GPAM: variants seen among roughly 807,000 people sequenced by gnomAD.
GPAM encodes glycerol-3-phosphate acyltransferase 1, mitochondrial.
GPAM carries 56 observed loss-of-function variants against 105.0 expected under a neutral mutation model. The ratio of observed to expected loss-of-function variants is 0.53; its 90% CI spans 0.43 to 0.67. The LOEUF (loss-of-function observed/expected upper bound fraction) is 0.67. GPAM is among the 30% of genes least tolerant of loss of function. The probability of loss-of-function intolerance (pLI) is 0.00; values close to 1 mark genes in which losing one functional copy is unlikely to be tolerated. For missense variants in GPAM, 855 were observed against 989.8 expected, an observed-to-expected ratio of 0.86 and a Z score of 1.83; for synonymous variants, 368 against 354.4, an observed-to-expected ratio of 1.04 and a Z score of -0.43.
chr10:112,196,536 A>G (rs1300461416), intron 1 of GPAM, among the ~76,000 whole-genome samples: 3 of 152,206 alleles, frequency 2.0e-5, no homozygotes, highest in Non-Finnish European at 4.4e-5. Context: ...AGGCCTCCAA[A>G]GTAAAGAGTG....
rs1847005383 is a variant in GPAM at position 112,155,748 on chromosome 10, T to C, written c.2311+116A>G. On this transcript the variant is annotated intron_variant, in intron 20 of 21. Transcript: ENST00000348367. The stretch of plus-strand genomic sequence containing the variant: ...GCCAAAGAAGATAATAGTAATACTC[T>C]ACGGTGTTAGAGGTCAGGATAAGTT... 1.1e-5 allele frequency: 7 copies of C among 660,490 alleles called. 1 individual carries two copies. The South Asian group carries it at 1.1e-4, about 10-fold the overall frequency. The allele number at this position is 660,490 out of a possible 1,614,324, so 40.9% of individuals were successfully genotyped here. A position where few individuals can be genotyped will look rare whatever the true frequency, so the allele number is the denominator to read the frequency against.
the GPAM span, among the ~76,000 whole-genome samples, chr10:112,221,569 C>A: frequency 6.6e-6 from 1 of 152,134 alleles, no homozygotes; most frequent in African/African-American, 2.4e-5. Flanking sequence ...TCTGAAGAAC[C>A]TTGAGTATAA....
intron 6 of GPAM, among the ~76,000 whole-genome samples, chr10:112,175,236 C>T (rs1168844106): frequency 6.6e-6 from 1 of 152,174 alleles, no homozygotes; most frequent in Non-Finnish European, 1.5e-5. Context: ...AAATATCAAA[C>T]TCAATTCTCT....
chr10:112,223,000 C>T, the GPAM span, among the ~76,000 whole-genome samples: 1 of 152,048 alleles, frequency 6.6e-6, no homozygotes, highest in African/African-American at 2.4e-5. Context: ...CCACATGTAC[C>T]CCAGGCCACT....
the GPAM span, among the ~76,000 whole-genome samples, chr10:112,225,827 G>A: frequency 2.4e-4 from 36 of 152,286 alleles, no homozygotes; most frequent in East Asian, 4.8e-3. Flanking sequence ...TTAATGGCAA[G>A]CATGTTTTGT....
At position 112,153,867 on chromosome 10, in the gene GPAM, C is replaced by CT; in HGVS notation, c.2371-202dup. ...CCAATGCAAACAAGGTTTTCTTTTT[C>CT]TATTTTTTTTTTTTTGTTTTGATGG... On this transcript the variant is annotated intron_variant, in intron 21 of 21. Transcript: ENST00000348367. The CT allele has an allele frequency of 2.3e-5, 10 of 434,634 alleles. No homozygotes were observed. The African/African-American group carries it at 3.8e-4, about 16-fold the overall frequency. 26.9% of individuals were successfully genotyped at this position (434,634 alleles called of 1,614,324 possible).
Position 112,151,112 on chromosome 10 carries a change from TG to T in GPAM, c.*2437del, listed in dbSNP as rs769392415. ...ACTGCAGTTTCATGTTGTTTAATAT[TG>T]TTTTTTTTTTTTAACTTGACCACAG... On this transcript the variant is annotated 3_prime_UTR_variant, in exon 22 of 22. Transcript: ENST00000348367. 1.1e-3 allele frequency: 1,066 copies of T among 978,072 alleles called. No individual in the cohort carries two copies. The highest frequency in any genetic ancestry group is 7.9e-3 in the South Asian group (168 of 21,146). The allele number at this position is 978,072 out of a possible 1,614,324, so 60.6% of individuals were successfully genotyped here. A position where few individuals can be genotyped will look rare whatever the true frequency, so the allele number is the denominator to read the frequency against.
At chr10:112,186,573 C>G (rs1163495136), upstream of GPAM, among the ~76,000 whole-genome samples, 2 of 152,122 alleles carry the variant, frequency 1.3e-5, no homozygotes, top group African/African-American at 2.4e-5. Flanking sequence ...GAATCTCGCT[C>G]TGTCACCCAG....
intron 12 of GPAM, among the ~76,000 whole-genome samples, 191 bp downstream of exon 12, chr10:112,166,211 T>G (rs1173284800): frequency 1.3e-5 from 2 of 152,162 alleles, no homozygotes; most frequent in Non-Finnish European, 2.9e-5. Flanking sequence ...AAACAGATAC[T>G]CACTCTCCTT....
rs1846941593 is a variant in GPAM, at chr10:112,152,707, T to C, written c.*843A>G. 21 of 984,386 alleles carry C rather than the reference T, an allele frequency of 2.1e-5. No individual in the cohort carries two copies. The highest frequency in any genetic ancestry group is 2.5e-5 in the Non-Finnish European group (21 of 829,060). The allele number at this position is 984,386 out of a possible 1,614,324, so 61.0% of individuals were successfully genotyped here. On this transcript the variant is annotated 3_prime_UTR_variant, in exon 22 of 22. Coordinates refer to ENST00000348367, the MANE Select transcript of GPAM (RefSeq NM_001244949.2). Reference sequence around the variant, plus strand: ...GTACCTGTGAGAGGCAGGTATTACCTGAGGGGTGGACGAGGTACAGACATA... The same window carrying C: ...GTACCTGTGAGAGGCAGGTATTACCCGAGGGGTGGACGAGGTACAGACATA...
rs556138775 is a variant in GPAM at position 112,173,127 on chromosome 10, A to G, written c.561-61T>C. 35 of 934,436 alleles carry G rather than the reference A, an allele frequency of 3.7e-5. No homozygotes were observed. The African/African-American group carries it at 5.5e-4, about 15-fold the overall frequency. The allele number at this position is 934,436 out of a possible 1,614,324, so 57.9% of individuals were successfully genotyped here. On this transcript the variant is annotated intron_variant, in intron 7 of 21. Transcript: ENST00000348367. ...TGAACACACGTTATTTTTACATACAAGCACATACAGTTGACTTCTGTCTAC... is the reference window on the plus strand; with the variant it reads ...TGAACACACGTTATTTTTACATACAGGCACATACAGTTGACTTCTGTCTAC...
chr10:112,158,475 C>A, intron 17 of GPAM, 82 bp from the exon 18 acceptor site: 1 of 855,616 alleles, frequency 1.2e-6, no homozygotes, highest in Admixed American at 1.8e-5. Context: ...TACAAGGTAG[C>A]TGCCAAAGCC....
chr10:112,150,476 T>C lies in GPAM; in HGVS notation c.*3074A>G, dbSNP rs1344981305. On this transcript the variant is annotated 3_prime_UTR_variant, in exon 22 of 22. Coordinates refer to ENST00000348367, the MANE Select transcript of GPAM (RefSeq NM_001244949.2). ...CTGCAGGGGAGGAAATACACATCTA[T>C]TCAACGCCACACTGGACGTTACAAA... 1 of 985,388 alleles carries C rather than the reference T, an allele frequency of 1.0e-6. No homozygotes were observed. The highest frequency in any genetic ancestry group is 1.2e-6 in the Non-Finnish European group (1 of 829,614). 61.0% of individuals were successfully genotyped at this position (985,388 alleles called of 1,614,324 possible).
intron 4 of GPAM, among the ~76,000 whole-genome samples, chr10:112,179,536 C>T (rs1236254877): frequency 6.6e-6 from 1 of 152,188 alleles, no homozygotes; most frequent in Non-Finnish European, 1.5e-5. Context: ...ACAAGACATT[C>T]TTCAGCAGAT....
At chr10:112,179,804 T>C (rs1847474784) in intron 4 of GPAM, among the ~76,000 whole-genome samples, 1 of 152,220 alleles carries the variant, frequency 6.6e-6, no homozygotes, top group Non-Finnish European at 1.5e-5. Context: ...AAGGCAATTC[T>C]ACTGCCTTCA....
At chr10:112,194,507 T>C (rs572400764) in intron 1 of GPAM, among the ~76,000 whole-genome samples, 2 of 152,312 alleles carry the variant, frequency 1.3e-5, no homozygotes, top group African/African-American at 4.8e-5. Context: ...AAAATCACCA[T>C]TGGTTCTTAA....
At chr10:112,189,053 T>C (rs1478293177) in intron 1 of GPAM, among the ~76,000 whole-genome samples, 1 of 152,200 alleles carries the variant, frequency 6.6e-6, no homozygotes, top group Admixed American at 6.5e-5. Context: ...GATCTACCCA[T>C]GTATAATAGC....
At chr10:112,204,144 T>A (rs1564690777) in intron 1 of GPAM, among the ~76,000 whole-genome samples, 1 of 152,154 alleles carries the variant, frequency 6.6e-6, no homozygotes, top group Non-Finnish European at 1.5e-5. Flanking sequence ...CTAATGCACA[T>A]GGTAGAAGGT....
chr10:112,204,630 A>G (rs1408720017), intron 1 of GPAM, among the ~76,000 whole-genome samples: 5 of 151,830 alleles, frequency 3.3e-5, no homozygotes, highest in African/African-American at 9.7e-5. Flanking sequence ...TCACATGGCT[A>G]GTAAGAATCA....
Sources: allele counts gnomAD v4.1 joint callset (sites outside exome capture counted in the v4.1 genomes callset), GRCh38; gene constraint gnomAD v4.1.1; transcripts MANE v1.5; gene names NCBI Gene and HGNC (gene_info 2026-07-23, HGNC 2026-07-21).